PUDP: variants seen among roughly 807,000 people sequenced by gnomAD.
PUDP encodes the protein pseudouridine 5'-phosphatase, also known as pseudouridine-5'-phosphatase.
PUDP carries 8 observed loss-of-function variants against 9.4 expected under a neutral mutation model. The observed-to-expected ratio is 0.85, with a 90% CI of 0.50 to 1.53. The LOEUF is 1.53. PUDP is among the 40% of genes most tolerant of loss of function. The pLI is 0.00. For synonymous variants in PUDP, 99 were observed against 80.7 expected, an observed-to-expected ratio of 1.23 and a Z score of -1.22; for missense variants, 188 against 189.7, an observed-to-expected ratio of 0.99 and a Z score of 0.05.
chrX:6,963,975 A>G (rs1178305044), intron 3 of PUDP, among the ~76,000 whole-genome samples: 2 of 112,196 alleles, frequency 1.8e-5, no homozygotes, highest in Non-Finnish European at 3.8e-5. Flanking sequence ...TTTTCTAACA[A>G]GAAGAATGCG....
chrX:7,000,661 A>T (rs948921112), intron 1 of PUDP, among the ~76,000 whole-genome samples: 2 of 109,207 alleles, frequency 1.8e-5, no homozygotes, highest in Non-Finnish European at 3.8e-5. Context: ...AGACCAACTC[A>T]TTAATCACCA....
At chrX:6,787,012 C>T (rs1925659050) in intron 3 of PUDP, among the ~76,000 whole-genome samples, 1 of 107,624 alleles carries the variant, frequency 9.3e-6, no homozygotes, top group Non-Finnish European at 1.9e-5. Context: ...TCTCCCCCCA[C>T]CCCCCGACCT....
intron 1 of PUDP, among the ~76,000 whole-genome samples, chrX:7,032,852 TA>T (rs1029887365): frequency 6.2e-5 from 7 of 112,083 alleles, no homozygotes; most frequent in African/African-American, 6.5e-5. Flanking sequence ...AATAAAATTT[TA>T]AAAAAACCAC....
chrX:7,104,981 A>G (rs1423259980), intron 2 of PUDP, among the ~76,000 whole-genome samples: 2 of 111,462 alleles, frequency 1.8e-5, no homozygotes, highest in African/African-American at 6.5e-5. Flanking sequence ...ATCTTCAAAT[A>G]GTCTATTTTC....
intron 3 of PUDP, among the ~76,000 whole-genome samples, chrX:6,930,911 A>G (rs1241523881): frequency 1.8e-5 from 2 of 109,301 alleles, no homozygotes; most frequent in Admixed American, 2.0e-4. Flanking sequence ...AATAGAGGGC[A>G]CCCAGTTAAA....
chrX:6,980,425 G>A (rs1414158461), intron 1 of PUDP, among the ~76,000 whole-genome samples: 3 of 110,847 alleles, frequency 2.7e-5, no homozygotes, highest in African/African-American at 6.6e-5. Context: ...GCCGAGGGTG[G>A]TCTTGAACTC....
chrX:6,716,827 T>A (rs1290439149), intron 1 of PUDP, among the ~76,000 whole-genome samples: 2 of 110,790 alleles, frequency 1.8e-5, no homozygotes, highest in African/African-American at 6.6e-5. Flanking sequence ...AGAGCTGGAG[T>A]CTTGCTATGT....
intron 2 of PUDP, among the ~76,000 whole-genome samples, chrX:7,086,367 G>T (rs2146877796): frequency 8.9e-6 from 1 of 112,394 alleles, no homozygotes. Flanking sequence ...AAATTTAAAA[G>T]AAATATTAAC....
At chrX:6,834,982 A>G (rs1316980275) in intron 3 of PUDP, among the ~76,000 whole-genome samples, 1 of 111,275 alleles carries the variant, frequency 9.0e-6, no homozygotes, top group Non-Finnish European at 1.9e-5. Flanking sequence ...CATTCAAACC[A>G]TAGCAAAAGG....
intron 1 of PUDP, among the ~76,000 whole-genome samples, chrX:7,120,282 A>C (rs1932305584): frequency 9.0e-6 from 1 of 111,413 alleles, no homozygotes; most frequent in African/African-American, 3.3e-5. Context: ...TGGATTATCC[A>C]GGTGGACTCA....
intron 3 of PUDP, among the ~76,000 whole-genome samples, chrX:6,806,680 G>A (rs1374842721): frequency 9.0e-6 from 1 of 111,248 alleles, no homozygotes; most frequent in Non-Finnish European, 1.9e-5. Flanking sequence ...CAGTTAGAGA[G>A]AAAAGGGTAT....
intron 3 of PUDP, among the ~76,000 whole-genome samples, chrX:6,748,555 G>A (rs1273056076): frequency 9.0e-6 from 1 of 111,219 alleles, no homozygotes; most frequent in Non-Finnish European, 1.9e-5. Flanking sequence ...CATGCTGTTT[G>A]AACAACTCAG....
chrX:6,875,628 A>G (rs754094092), intron 3 of PUDP, among the ~76,000 whole-genome samples: 1 of 111,368 alleles, frequency 9.0e-6, no homozygotes, highest in Non-Finnish European at 1.9e-5. Context: ...TCAGAGCCCT[A>G]TTTCACCTTC....
At chrX:7,014,243 A>G (rs191897417) in intron 1 of PUDP, among the ~76,000 whole-genome samples, 1 of 110,180 alleles carries the variant, frequency 9.1e-6, no homozygotes, top group East Asian at 2.9e-4. Context: ...GGTACAGGAT[A>G]GGGGGACATG....
chrX:6,932,045 T>A (rs1796986160), intron 3 of PUDP, among the ~76,000 whole-genome samples: 1 of 112,140 alleles, frequency 8.9e-6, no homozygotes, highest in African/African-American at 3.2e-5. Flanking sequence ...CTTCTTTAAT[T>A]AAATACTTAT....
intron 3 of PUDP, among the ~76,000 whole-genome samples, chrX:7,055,532 A>C (rs994591678): frequency 1.8e-5 from 2 of 111,488 alleles, no homozygotes; most frequent in African/African-American, 6.5e-5. Context: ...CTGGGATTAC[A>C]GGCGTGACCC....
At chrX:6,822,803 G>A (rs1002991105) in intron 3 of PUDP, among the ~76,000 whole-genome samples, 6 of 108,497 alleles carry the variant, frequency 5.5e-5, no homozygotes, top group African/African-American at 1.7e-4. Context: ...TCATCACGCC[G>A]GTATTAAGCC....
chrX:6,771,133 T>C (rs1358102024), intron 3 of PUDP, among the ~76,000 whole-genome samples: 1 of 111,527 alleles, frequency 9.0e-6, no homozygotes, highest in Non-Finnish European at 1.9e-5. Flanking sequence ...CTGACACACA[T>C]ACCAGGCTCA....
chrX:6,903,197 C>T (rs150759641), intron 3 of PUDP, among the ~76,000 whole-genome samples: 220 of 112,170 alleles, frequency 2.0e-3, no homozygotes, highest in African/African-American at 6.4e-3. Context: ...CTAAATAATC[C>T]CATTTCAGCT....
Sources: gnomAD v4.1 joint callset for allele counts (sites outside exome capture counted in the v4.1 genomes callset) on GRCh38, gnomAD v4.1.1 for gene constraint, MANE v1.5 for transcripts, NCBI Gene and HGNC (gene_info 2026-07-23, HGNC 2026-07-21) for gene names.